The following AIG1 variants were observed in gnomAD, a reference collection of about 807,000 sequenced individuals.
AIG1 encodes androgen induced 1.
In AIG1, 23 loss-of-function variants were observed where a neutral mutation model predicts 31.4. The ratio of observed to expected loss-of-function variants is 0.73; its 90% CI spans 0.53 to 1.04. The LOEUF is 1.04. AIG1 is among the 50% of genes least tolerant of loss of function. The probability of loss-of-function intolerance (pLI) is 0.00; values close to 1 mark genes in which losing one functional copy is unlikely to be tolerated. For missense variants in AIG1, 274 were observed against 295.0 expected (o/e 0.93, Z 0.52); for synonymous variants, 100 against 110.5 (o/e 0.90, Z 0.60).
intron 1 of AIG1, among the ~76,000 whole-genome samples, chr6:143,109,975 T>C (rs1257831584): frequency 6.6e-6 from 1 of 152,238 alleles, no homozygotes; most frequent in Non-Finnish European, 1.5e-5. Flanking sequence ...GATATTCTCC[T>C]CTGCTATCTT....
chr6:143,196,413 G>T (rs550800326), intron 3 of AIG1, among the ~76,000 whole-genome samples: 1 of 148,794 alleles, frequency 6.7e-6, no homozygotes, highest in African/African-American at 2.5e-5. Context: ...TTGATAAGTT[G>T]GAAAACTGGC....
At chr6:143,263,657 A>G (rs1361349147) in intron 3 of AIG1, among the ~76,000 whole-genome samples, 1 of 152,206 alleles carries the variant, frequency 6.6e-6, no homozygotes, top group African/African-American at 2.4e-5. Context: ...AGATTTTTCC[A>G]TGTAATATTT....
chr6:143,265,490 C>G (rs1796092444), intron 3 of AIG1, among the ~76,000 whole-genome samples: 1 of 152,150 alleles, frequency 6.6e-6, no homozygotes, highest in South Asian at 2.1e-4. Context: ...CTTCCCTCTT[C>G]CCCTCTCTCT....
chr6:143,190,260 A>G (rs1195289088), intron 3 of AIG1: 15 of 985,352 alleles, frequency 1.5e-5, no homozygotes, highest in Non-Finnish European at 1.8e-5. Context: ...GATATTTAAT[A>G]TCATGGATCA....
At chr6:143,231,229 T>G (rs1793418569) in intron 3 of AIG1, among the ~76,000 whole-genome samples, 1 of 152,206 alleles carries the variant, frequency 6.6e-6, no homozygotes, top group African/African-American at 2.4e-5. Context: ...TGCATACCAC[T>G]GATGTTCAGG....
chr6:143,186,140 C>G (rs756165049), intron 3 of AIG1, among the ~76,000 whole-genome samples: 1 of 152,216 alleles, frequency 6.6e-6, no homozygotes, highest in Non-Finnish European at 1.5e-5. Context: ...CCTATCTGTA[C>G]CTGTGTGCCG....
At chr6:143,059,544 A>G (rs1776086284), upstream of AIG1, among the ~76,000 whole-genome samples, 1 of 152,244 alleles carries the variant, frequency 6.6e-6, no homozygotes, top group Admixed American at 6.5e-5. Context: ...ATCATCAATA[A>G]TACATCGTTT....
chr6:143,234,445 A>G (rs1417855630), intron 3 of AIG1, among the ~76,000 whole-genome samples: 1 of 152,238 alleles, frequency 6.6e-6, no homozygotes, highest in East Asian at 1.9e-4. Context: ...CAAAGAAAAG[A>G]GAAAATCCTT....
chr6:143,252,590 G>C (rs1469947013), intron 3 of AIG1, among the ~76,000 whole-genome samples: 2 of 152,130 alleles, frequency 1.3e-5, no homozygotes, highest in Non-Finnish European at 2.9e-5. Context: ...ACAACATTAG[G>C]GGCCCTGTTG....
intron 3 of AIG1, among the ~76,000 whole-genome samples, chr6:143,220,368 A>G (rs756223662): frequency 2.0e-5 from 3 of 152,118 alleles, no homozygotes; most frequent in Non-Finnish European, 4.4e-5. Flanking sequence ...GAGAAGAGAG[A>G]TCTTATCTGT....
At chr6:143,105,511 T>C (rs1020707395) in intron 1 of AIG1, among the ~76,000 whole-genome samples, 1 of 152,214 alleles carries the variant, frequency 6.6e-6, no homozygotes, top group Non-Finnish European at 1.5e-5. Context: ...ATAAACACTA[T>C]GGAGAGTGGG....
intron 4 of AIG1, among the ~76,000 whole-genome samples, chr6:143,304,000 A>G (rs1799046602): frequency 6.8e-6 from 1 of 146,186 alleles, no homozygotes; most frequent in Non-Finnish European, 1.5e-5. Context: ...TGTGAATGGG[A>G]GTTCACTCAT....
chr6:143,203,608 G>A (rs1790872981), intron 3 of AIG1, among the ~76,000 whole-genome samples: 1 of 152,086 alleles, frequency 6.6e-6, no homozygotes, highest in Non-Finnish European at 1.5e-5. Flanking sequence ...TATGTACTTA[G>A]GAGCAAGAAA....
intron 1 of AIG1, among the ~76,000 whole-genome samples, chr6:143,136,617 C>T (rs1332225244): frequency 6.6e-6 from 1 of 152,022 alleles, no homozygotes; most frequent in African/African-American, 2.4e-5. Context: ...TGCACTTGTC[C>T]CGAGGTGAGT....
At chr6:143,342,199 A>G (rs1777871084), downstream of AIG1, 3 of 639,930 alleles carry the variant, frequency 4.7e-6, no homozygotes, top group Non-Finnish European at 8.6e-6. Flanking sequence ...CTGGGATTAC[A>G]GGCGTGAGCC....
rs1052993478 is a variant in AIG1 at position 143,189,632 on chromosome 6, A to G, written c.399+24449A>G. 70 of 985,084 alleles carry G rather than the reference A, an allele frequency of 7.1e-5. No individual in the cohort carries two copies. The African/African-American group carries it at 1.2e-3, about 16-fold the overall frequency. The allele number at this position is 985,084 out of a possible 1,614,324, so 61.0% of individuals were successfully genotyped here. A position where few individuals can be genotyped will look rare whatever the true frequency, so the allele number is the denominator to read the frequency against. ...TTGTTTTACCCTACTATCTTTTTTG[A>G]TGTGTCTTAAAGTTGATTTGCTTTA... On this transcript the variant is annotated intron_variant, in intron 3 of 5. Coordinates refer to ENST00000357847, the MANE Select transcript of AIG1 (RefSeq NM_016108.4).
At chr6:143,194,788 G>A (rs1790089779) in intron 3 of AIG1, among the ~76,000 whole-genome samples, 1 of 152,078 alleles carries the variant, frequency 6.6e-6, no homozygotes, top group Non-Finnish European at 1.5e-5. Flanking sequence ...CACTGTCCCC[G>A]ATGCTGTCCC....
intron 1 of AIG1, among the ~76,000 whole-genome samples, chr6:143,079,779 CTTTTT>C (rs78637706): frequency 2.7e-3 from 287 of 106,982 alleles, no homozygotes; most frequent in African/African-American, 9.3e-3. Context: ...GGATAGATTC[CTTTTT>C]TTTTTTTTTT....
chr6:143,059,430 A>G (rs763428087), upstream of AIG1, among the ~76,000 whole-genome samples: 58 of 152,132 alleles, frequency 3.8e-4, no homozygotes, highest in Non-Finnish European at 7.2e-4. Context: ...TCTTCAATAG[A>G]TCTACTCTTT....
Sources: allele counts gnomAD v4.1 joint callset (sites outside exome capture counted in the v4.1 genomes callset), GRCh38; gene constraint gnomAD v4.1.1; transcripts MANE v1.5; gene names NCBI Gene and HGNC (gene_info 2026-07-23, HGNC 2026-07-21).